Variants in RASGRF2 observed in about 807,000 individuals in gnomAD.
The protein encoded by RASGRF2 is Ras protein specific guanine nucleotide releasing factor 2, also known as ras-specific guanine nucleotide-releasing factor 2.
Under a neutral mutation model 151.0 loss-of-function variants are expected in RASGRF2, and 76 were observed. The ratio of observed to expected loss-of-function variants is 0.50; its 90% CI spans 0.42 to 0.61. The LOEUF (loss-of-function observed/expected upper bound fraction) is 0.61. RASGRF2 is among the 20% of genes least tolerant of loss of function. RASGRF2 has a pLI of 0.00. For missense variants in RASGRF2, 1,148 were observed against 1,564.6 expected, an observed-to-expected ratio of 0.73 and a Z score of 4.49; for synonymous variants, 504 against 566.5, an observed-to-expected ratio of 0.89 and a Z score of 1.57.
At position 81,212,546 on chromosome 5, in the gene RASGRF2, G is replaced by A. The variant is rs1033750460; in HGVS notation, c.3337G>A (p.Ala1113Thr). 6.8e-6 allele frequency: 11 copies of A among 1,611,392 alleles called. No individual in the cohort carries two copies. Among genetic ancestry groups the A allele is most frequent in the Non-Finnish European group, 9.3e-6 (11 of 1,178,746 alleles). The change falls in exon 23 of 27, where the codon GCC (alanine) becomes ACC (threonine). Residue 1113 changes from alanine to threonine, a missense_variant. By Grantham distance (58) the Ala-to-Thr change is moderately conservative (BLOSUM62 0). Coordinates refer to ENST00000265080, the MANE Select transcript of RASGRF2 (RefSeq NM_006909.3). ...SAIYRLKKTW[A>T]KVSKQTKALM... ...CATCTACAGGCTGAAGAAAACCTGG[G>A]CCAAGGTCTCTAAGCAGGTGAGCCT...
chr5:81,140,989 G>GTT (rs1485950887), intron 17 of RASGRF2, among the ~76,000 whole-genome samples: 1 of 93,676 alleles, frequency 1.1e-5, no homozygotes, highest in Non-Finnish European at 2.7e-5. Context: ...TGTTTTCTCT[G>GTT]GTTTTTTTTT....
intron 2 of RASGRF2, among the ~76,000 whole-genome samples, chr5:81,048,771 C>T (rs1346917365): frequency 6.6e-6 from 1 of 152,202 alleles, no homozygotes; most frequent in Non-Finnish European, 1.5e-5. Flanking sequence ...TGCTCCATTA[C>T]TTATTCCATT....
intron 15 of RASGRF2, among the ~76,000 whole-genome samples, chr5:81,114,358 C>G (rs1448676916): frequency 2.0e-5 from 3 of 152,220 alleles, no homozygotes; most frequent in Non-Finnish European, 2.9e-5. Context: ...TCCAGCCTTT[C>G]CCTGCTGAGG....
intron 9 of RASGRF2, 113 bp downstream of exon 9, chr5:81,087,066 AC>A (rs200083229): frequency 6.0e-5 from 59 of 983,594 alleles, no homozygotes; most frequent in Non-Finnish European, 8.5e-5. Context: ...TGCCCGAAGG[AC>A]CCCCCCACGG....
chr5:80,972,788 T>G (rs900984552), intron 1 of RASGRF2, among the ~76,000 whole-genome samples: 4 of 152,232 alleles, frequency 2.6e-5, no homozygotes, highest in Non-Finnish European at 5.9e-5. Context: ...CTGTTCTCTG[T>G]TTCGAAGTGC....
intron 19 of RASGRF2, 135 bp downstream of exon 19, chr5:81,201,577 A>G: frequency 1.0e-6 from 1 of 997,654 alleles, no homozygotes. Flanking sequence ...GTTATGTATT[A>G]TCTTCTCTTT....
Position 81,187,766 on chromosome 5 carries a change from AG to A in RASGRF2, c.2793+7488del, listed in dbSNP as rs551063896. Among the ~76,000 whole-genome samples, 16 of 152,322 alleles carry A rather than the reference AG, an allele frequency of 1.1e-4. No homozygotes were observed. In the East Asian group the frequency reaches 3.1e-3, roughly 29 times the overall value. On this transcript the variant is annotated intron_variant, in intron 18 of 26. Coordinates refer to ENST00000265080, the MANE Select transcript of RASGRF2 (RefSeq NM_006909.3). The stretch of plus-strand genomic sequence containing the variant: ...CTCTACTTAGTGTGCTCAAGGTCTC[AG>A]GGATCAGATTTTCCCAGAATGTGAG...
At chr5:81,123,493 G>C in intron 15 of RASGRF2, 149 bp from the exon 16 acceptor site, 1 of 974,474 alleles carries the variant, frequency 1.0e-6, no homozygotes, top group Admixed American at 2.6e-5. Context: ...TTTAGATTTA[G>C]TGTCATTAGT....
Position 81,128,645 on chromosome 5 carries a change from G to A in RASGRF2, c.2686+1482G>A, listed in dbSNP as rs1016160039. Among the ~76,000 whole-genome samples, 31 of 152,248 alleles carry A rather than the reference G, an allele frequency of 2.0e-4. 1 individual carries two copies. Among genetic ancestry groups the A allele is most frequent in the South Asian group, 8.3e-4 (4 of 4,820 alleles). On this transcript the variant is annotated intron_variant, in intron 17 of 26. Transcript: ENST00000265080. ...GCTTGTGGAGTGCGGGGAGCCGAGCGGTGCAGCTATTGCTTTAGCTGACTC... is the reference window on the plus strand; with the variant it reads ...GCTTGTGGAGTGCGGGGAGCCGAGCAGTGCAGCTATTGCTTTAGCTGACTC...
chr5:81,201,158 C>T (rs1430226739), intron 18 of RASGRF2, among the ~76,000 whole-genome samples, 172 bp from the exon 19 acceptor site: 1 of 152,120 alleles, frequency 6.6e-6, no homozygotes, highest in Admixed American at 6.5e-5. Flanking sequence ...TAACAGACCA[C>T]CATTCCTAAC....
At position 81,220,623 on chromosome 5, in the gene RASGRF2, C is replaced by T. The variant is rs185069321; in HGVS notation, c.3621+845C>T. ...CCTCAGCCTCCTGAGTAGCCCGCCA[C>T]CACGCCTGGCTAGTTTTTTGTATTT... On this transcript the variant is annotated intron_variant, in intron 26 of 26. Coordinates refer to ENST00000265080, the MANE Select transcript of RASGRF2 (RefSeq NM_006909.3). Among the ~76,000 whole-genome samples the T allele has an allele frequency of 2.3e-3, 344 of 152,272 alleles. 1 individual carries two copies. The highest frequency in any genetic ancestry group is 4.8e-3 in the Admixed American group (74 of 15,300).
intron 17 of RASGRF2, among the ~76,000 whole-genome samples, chr5:81,130,036 A>G (rs1384235721): frequency 6.6e-6 from 1 of 152,198 alleles, no homozygotes; most frequent in Non-Finnish European, 1.5e-5. Context: ...AAAAGTAACC[A>G]AAACGGCCAG....
At chr5:81,066,739 A>G (rs1450825650) in intron 2 of RASGRF2, among the ~76,000 whole-genome samples, 1 of 152,192 alleles carries the variant, frequency 6.6e-6, no homozygotes, top group Non-Finnish European at 1.5e-5. Flanking sequence ...CCAAGTTAAT[A>G]TTATTGCAGT....
chr5:81,057,421 A>T (rs1233576856), intron 2 of RASGRF2, among the ~76,000 whole-genome samples: 5 of 152,212 alleles, frequency 3.3e-5, no homozygotes, highest in African/African-American at 9.6e-5. Context: ...TTGCCCTTCT[A>T]TAAGATAACT....
intron 17 of RASGRF2, among the ~76,000 whole-genome samples, chr5:81,164,478 A>C (rs1376365324): frequency 2.0e-5 from 3 of 151,904 alleles, no homozygotes; most frequent in Non-Finnish European, 4.4e-5. Context: ...ACCCTCATGA[A>C]GTTTAAGAAT....
chr5:81,148,793 T>G (rs965520342), intron 17 of RASGRF2, among the ~76,000 whole-genome samples: 20 of 151,910 alleles, frequency 1.3e-4, no homozygotes, highest in Admixed American at 2.6e-4. Flanking sequence ...CTGCACATTG[T>G]GCACATGTAC....
chr5:81,077,445 T>C (rs1347757932), intron 5 of RASGRF2, among the ~76,000 whole-genome samples: 1 of 152,158 alleles, frequency 6.6e-6, no homozygotes, highest in African/African-American at 2.4e-5. Flanking sequence ...AGAGCTCAGA[T>C]CTCAAGGCAT....
intron 12 of RASGRF2, among the ~76,000 whole-genome samples, chr5:81,106,361 G>C (rs142599697): frequency 5.7e-4 from 86 of 152,094 alleles, no homozygotes; most frequent in African/African-American, 2.0e-3. Context: ...GTATTATTCT[G>C]ATCATCCCTT....
At chr5:81,182,161 A>G (rs763276873) in intron 18 of RASGRF2, among the ~76,000 whole-genome samples, 1 of 152,178 alleles carries the variant, frequency 6.6e-6, no homozygotes, top group African/African-American at 2.4e-5. Flanking sequence ...GAGGGATCCC[A>G]GCTCCTCAGA....
Sources: allele counts gnomAD v4.1 joint callset (sites outside exome capture counted in the v4.1 genomes callset), GRCh38; gene constraint gnomAD v4.1.1; transcripts MANE v1.5; gene names NCBI Gene and HGNC (gene_info 2026-07-23, HGNC 2026-07-21).